Variants in MUCL1 observed in about 807,000 individuals in gnomAD.
MUCL1 encodes mucin like 1, also known as mucin-like protein 1.
In MUCL1, 11 loss-of-function variants were observed where a neutral mutation model predicts 9.2. The observed-to-expected ratio is 1.19, with a 90% CI of 0.75 to 1.97. The LOEUF (loss-of-function observed/expected upper bound fraction) is 1.97. Ranked by LOEUF, MUCL1 falls within the 30% of genes most tolerant of loss-of-function variation. MUCL1 has a pLI of 0.00. For missense variants in MUCL1, 144 were observed against 110.9 expected (o/e 1.30, Z -1.34); for synonymous variants, 48 against 40.5 (o/e 1.19, Z -0.71).
upstream of MUCL1, among the ~76,000 whole-genome samples, chr12:54,837,971 T>C (rs1306661498): frequency 6.6e-6 from 1 of 152,240 alleles, no homozygotes; most frequent in Admixed American, 6.5e-5. Context: ...TCAGTCATCA[T>C]ATTGATTGTT....
chr12:54,832,454 TAA>T (rs2121476576), intron 1 of MUCL1, among the ~76,000 whole-genome samples: 1 of 152,266 alleles, frequency 6.6e-6, no homozygotes, highest in South Asian at 2.1e-4. Flanking sequence ...TTTGATTACT[TAA>T]GAGTCTTCAC....
At chr12:54,857,214 A>T (rs1479726448) in intron 3 of MUCL1, among the ~76,000 whole-genome samples, 2 of 142,208 alleles carry the variant, frequency 1.4e-5, no homozygotes, top group Non-Finnish European at 1.5e-5. Context: ...TATTATTATT[A>T]TTTTTTTAAA....
upstream of MUCL1, among the ~76,000 whole-genome samples, chr12:54,834,373 A>G (rs922199156): frequency 8.5e-5 from 13 of 152,178 alleles, no homozygotes; most frequent in African/African-American, 3.1e-4. Flanking sequence ...GTCACTGTAT[A>G]TTTGTGAATT....
At chr12:54,856,479 C>T (rs116604821) in intron 2 of MUCL1, among the ~76,000 whole-genome samples, 2,171 of 152,280 alleles carry the variant, frequency 0.014, 48 homozygotes, top group African/African-American at 0.05. Flanking sequence ...AATAGGAACA[C>T]TCGTGGCCTT....
chr12:54,836,370 G>C (rs1201155409), upstream of MUCL1, among the ~76,000 whole-genome samples: 1 of 152,074 alleles, frequency 6.6e-6, no homozygotes. Context: ...AGATTTTCTA[G>C]TTGTGTACAT....
chr12:54,852,226 TGGA>T (rs1004276552), upstream of MUCL1, among the ~76,000 whole-genome samples: 6 of 152,168 alleles, frequency 3.9e-5, no homozygotes, highest in Non-Finnish European at 8.8e-5. Context: ...AGAACAAAGC[TGGA>T]GGCATCACAC....
chr12:54,852,237 C>T (rs1000751520), upstream of MUCL1, among the ~76,000 whole-genome samples: 5 of 152,270 alleles, frequency 3.3e-5, no homozygotes, highest in Admixed American at 2.6e-4. Flanking sequence ...GGAGGCATCA[C>T]ACTACCTGAC....
upstream of MUCL1, among the ~76,000 whole-genome samples, chr12:54,837,537 A>G (rs544356006): frequency 6.6e-5 from 10 of 152,198 alleles, no homozygotes; most frequent in Non-Finnish European, 1.2e-4. Flanking sequence ...AGGCCAAGGC[A>G]GGCAGACCAC....
At position 54,846,544 on chromosome 12, in the gene MUCL1, A is replaced by G. The variant is rs1013982294; in HGVS notation, c.43+7097A>G. 8.5e-5 allele frequency among the ~76,000 whole-genome samples: 13 copies of G among 152,190 alleles called. No individual in the cohort carries two copies. The South Asian group carries it at 2.1e-3, about 24-fold the overall frequency. On this transcript the variant is annotated intron_variant, in intron 1 of 3. Transcript: ENST00000546809. ...GGGGCAGCCCTTCAACATTAGTGGG[A>G]AAAAGATAGGGCAATGATAGGAAAT... is the stretch of plus-strand genomic sequence containing the variant.
At chr12:54,843,615 G>A (rs1302948103) in intron 1 of MUCL1, among the ~76,000 whole-genome samples, 1 of 152,182 alleles carries the variant, frequency 6.6e-6, no homozygotes, top group Non-Finnish European at 1.5e-5. Flanking sequence ...GTGGAAGAGG[G>A]AGACAGGAAA....
intron 1 of MUCL1, among the ~76,000 whole-genome samples, chr12:54,832,389 T>A (rs1386190636): frequency 6.6e-6 from 1 of 152,132 alleles, no homozygotes; most frequent in Non-Finnish European, 1.5e-5. Context: ...GGGAAACCAA[T>A]GTTTTGTGTC....
intron 1 of MUCL1, among the ~76,000 whole-genome samples, chr12:54,845,036 T>C (rs1330687279): frequency 6.6e-6 from 1 of 152,188 alleles, no homozygotes. Context: ...GTAGAAATCA[T>C]TTGGAGGATC....
chr12:54,846,899 A>G (rs977497056), intron 1 of MUCL1, among the ~76,000 whole-genome samples: 1 of 152,140 alleles, frequency 6.6e-6, no homozygotes, highest in African/African-American at 2.4e-5. Flanking sequence ...TTCTGGGACT[A>G]TAGGATCTTC....
chr12:54,857,727 A>G (rs1287169520), intron 3 of MUCL1, among the ~76,000 whole-genome samples: 1 of 152,190 alleles, frequency 6.6e-6, no homozygotes, highest in Non-Finnish European at 1.5e-5. Context: ...CTTTCCTTTG[A>G]GCACACGGGC....
chr12:54,854,475 C>A, upstream of MUCL1: 2 of 799,824 alleles, frequency 2.5e-6, no homozygotes, highest in East Asian at 2.6e-5. Context: ...CTGATTGGTG[C>A]CCTCTGCATA....
upstream of MUCL1, among the ~76,000 whole-genome samples, chr12:54,852,146 GA>G (rs1257040510): frequency 6.6e-6 from 1 of 152,054 alleles, no homozygotes. Flanking sequence ...CACAGAATTG[GA>G]AAAAACTACT....
upstream of MUCL1, among the ~76,000 whole-genome samples, chr12:54,851,331 T>G (rs1959336732): frequency 6.6e-6 from 1 of 152,144 alleles, no homozygotes; most frequent in Admixed American, 6.5e-5. Context: ...TAAATTAATC[T>G]CTGGGATGCA....
At chr12:54,842,851 C>T (rs1441449766) in intron 1 of MUCL1, among the ~76,000 whole-genome samples, 1 of 152,144 alleles carries the variant, frequency 6.6e-6, no homozygotes, top group Non-Finnish European at 1.5e-5. Context: ...TACAGTCATG[C>T]ACCATGCAAC....
chr12:54,848,517 ATGTAT>A (rs1265827496), intron 1 of MUCL1, among the ~76,000 whole-genome samples: 2 of 152,240 alleles, frequency 1.3e-5, no homozygotes, highest in Non-Finnish European at 2.9e-5. Context: ...TAAAATTAAA[ATGTAT>A]TAGATTGGAA....
Sources: gnomAD v4.1 joint callset for allele counts (sites outside exome capture counted in the v4.1 genomes callset) on GRCh38, gnomAD v4.1.1 for gene constraint, MANE v1.5 for transcripts, NCBI Gene and HGNC (gene_info 2026-07-23, HGNC 2026-07-21) for gene names.